MSTN: variants seen among roughly 807,000 people sequenced by gnomAD.
MSTN encodes myostatin, also known as growth/differentiation factor 8.
MSTN carries 12 observed loss-of-function variants against 32.3 expected under a neutral mutation model. The ratio of observed to expected loss-of-function variants is 0.37; its 90% confidence interval spans 0.24 to 0.60. The LOEUF is 0.60. Among genes scored for constraint, MSTN ranks in the 20% least tolerant of loss-of-function variants. The pLI is 0.67. For synonymous variants in MSTN, 168 were observed against 155.1 expected, an observed-to-expected ratio of 1.08 and a Z score of -0.62; for missense variants, 403 against 450.3, an observed-to-expected ratio of 0.89 and a Z score of 0.95.
chr2:190,061,813 A>C (rs2105754625), intron 1 of MSTN, among the ~76,000 whole-genome samples: 1 of 151,784 alleles, frequency 6.6e-6, no homozygotes, highest in South Asian at 2.1e-4. Flanking sequence ...ACATCCAGCA[A>C]GTTTCTTTTT....
chr2:190,057,663 A>C, intron 2 of MSTN, 25 bp from the exon 3 acceptor site: 1 of 1,611,662 alleles, frequency 6.2e-7, no homozygotes. Context: ...AAGAACAATC[A>C]GTAATATCAA....
intron 1 of MSTN, among the ~76,000 whole-genome samples, chr2:190,061,272 G>A (rs1397233655): frequency 1.3e-5 from 2 of 152,002 alleles, no homozygotes; most frequent in African/African-American, 4.8e-5. Context: ...TTGTATTAAA[G>A]CAAGATAACA....
chr2:190,056,625 A>G lies in MSTN; in HGVS notation c.*633T>C, dbSNP rs1685436205. On this transcript the variant is annotated 3_prime_UTR_variant, in exon 3 of 3. Coordinates refer to ENST00000260950, the MANE Select transcript of MSTN (RefSeq NM_005259.3). ...ATGCACCTGAAGAAAAGAGAAACTT[A>G]CTATTTTACTGAATGTTTTTTATGT... is the stretch of plus-strand genomic sequence containing the variant. 2 of 152,590 alleles carry G rather than the reference A, an allele frequency of 1.3e-5. No homozygotes were observed. The highest frequency in any genetic ancestry group is 1.3e-4 in the Admixed American group (2 of 15,268). The allele number at this position is 152,590 out of a possible 1,614,324, so 9.5% of individuals were successfully genotyped here.
Position 190,060,232 on chromosome 2 carries a change from T to C in MSTN, c.577A>G (p.Lys193Glu). ...GTRYTGIRSL[K>E]LDMNPGTGIW... is the part of the protein sequence containing the mutation. ...CCAGTGCCTGGGTTCATGTCAAGTT[T>C]CAGAGATCGGATTCCAGTATACCTT... The change falls in exon 2 of 3, where the codon AAA (lysine) becomes GAA (glutamate). Residue 193 changes from lysine to glutamate, a missense_variant. Coordinates refer to ENST00000260950, the MANE Select transcript of MSTN (RefSeq NM_005259.3). The C allele has an allele frequency of 6.2e-7, 1 of 1,613,164 alleles. No individual in the cohort carries two copies. The highest frequency in any genetic ancestry group is 8.5e-7 in the Non-Finnish European group (1 of 1,179,306).
chr2:190,062,673 A>T lies in MSTN; in HGVS notation c.-77T>A, dbSNP rs1685632725. 1.4e-6 allele frequency: 2 copies of T among 1,455,188 alleles called. No homozygotes were observed. Among genetic ancestry groups the T allele is most frequent in the Non-Finnish European group, 1.9e-6 (2 of 1,064,224 alleles). The allele number at this position is 1,455,188 out of a possible 1,614,324, so 90.1% of individuals were successfully genotyped here. A position where few individuals can be genotyped will look rare whatever the true frequency, so the allele number is the denominator to read the frequency against. ...TTTTCTTTTGCTTTTGAGTAATGCC[A>T]AGCAAAATTTTAATGCATGTACAGT... On this transcript the variant is annotated 5_prime_UTR_variant, in exon 1 of 3. Coordinates refer to ENST00000260950, the MANE Select transcript of MSTN (RefSeq NM_005259.3).
chr2:190,062,688 G>C lies in MSTN; in HGVS notation c.-92C>G, dbSNP rs1287261923. 2.4e-6 allele frequency: 3 copies of C among 1,243,188 alleles called. No homozygotes were observed. Among genetic ancestry groups the C allele is most frequent in the Non-Finnish European group, 3.4e-6 (3 of 882,888 alleles). The allele number at this position is 1,243,188 out of a possible 1,614,324, so 77.0% of individuals were successfully genotyped here. On this transcript the variant is annotated 5_prime_UTR_variant, in exon 1 of 3. Transcript: ENST00000260950. ...GAGTAATGCCAAGCAAAATTTTAAT[G>C]CATGTACAGTCTGAGAGACAACTTG...
Position 190,062,366 on chromosome 2 carries a change from T to C in MSTN, c.231A>G (p.Ile77Met). 1 of 1,613,424 alleles carries C rather than the reference T, an allele frequency of 6.2e-7. No individual in the cohort carries two copies. The highest frequency in any genetic ancestry group is 8.5e-7 in the Non-Finnish European group (1 of 1,179,574). ...ETAPNISKDV[I>M]RQLLPKAPPL... is the part of the protein sequence containing the mutation. ...GAGGAGCTTTGGGTAAAAGTTGTCTTATAACATCTTTGCTGATGTTAGGAG... is the reference window on the plus strand; with the variant it reads ...GAGGAGCTTTGGGTAAAAGTTGTCTCATAACATCTTTGCTGATGTTAGGAG... Residue 77 changes from isoleucine to methionine, a missense_variant, in exon 1 of 3, where the codon ATA (isoleucine) becomes ATG (methionine). Ile to Met is a conservative substitution (Grantham distance 10). Coordinates refer to ENST00000260950, the MANE Select transcript of MSTN (RefSeq NM_005259.3).
intron 2 of MSTN, among the ~76,000 whole-genome samples, chr2:190,059,580 CTT>C (rs1230605687): frequency 2.0e-5 from 3 of 151,858 alleles, no homozygotes; most frequent in African/African-American, 7.3e-5. Flanking sequence ...AAATATCACT[CTT>C]AATTTCTCTG....
Position 190,062,418 on chromosome 2 carries a change from A to G in MSTN, c.179T>C (p.Ile60Thr). The change falls in exon 1 of 3, where the codon ATC becomes ACC. Residue 60 changes from isoleucine (I) to threonine (T), a missense_variant. Transcript: ENST00000260950. ...TGTTTCCAGACGAAGTTTACTGAGG[A>G]TTTGTATCTTAATGGCTTCTATTCT... ...SSRIEAIKIQ[I>T]LSKLRLETAP... The G allele has an allele frequency of 6.2e-7, 1 of 1,613,466 alleles. No individual in the cohort carries two copies. The highest frequency in any genetic ancestry group is 8.5e-7 in the Non-Finnish European group (1 of 1,179,602).
chr2:190,057,880 T>G (rs1685480886), intron 2 of MSTN, among the ~76,000 whole-genome samples: 1 of 152,056 alleles, frequency 6.6e-6, no homozygotes, highest in South Asian at 2.1e-4. Flanking sequence ...TTTTAAGTTT[T>G]ATTTTTCCAA....
rs1244428201 is a variant in MSTN, at chr2:190,062,368, T to C, written c.229A>G (p.Ile77Val). The C allele has an allele frequency of 2.5e-6, 4 of 1,613,324 alleles. No homozygotes were observed. Among genetic ancestry groups the C allele is most frequent in the African/African-American group, 2.7e-5 (2 of 74,886 alleles). Reference sequence around the variant, plus strand: ...GGAGCTTTGGGTAAAAGTTGTCTTATAACATCTTTGCTGATGTTAGGAGCT... The same window carrying C: ...GGAGCTTTGGGTAAAAGTTGTCTTACAACATCTTTGCTGATGTTAGGAGCT... ...ETAPNISKDV[I>V]RQLLPKAPPL... The change falls in exon 1 of 3, where the codon ATA (isoleucine) becomes GTA (valine). Residue 77 changes from isoleucine to valine, a missense_variant. By Grantham distance (29) the Ile-to-Val change is conservative (BLOSUM62 3). Coordinates refer to ENST00000260950, the MANE Select transcript of MSTN (RefSeq NM_005259.3).
In MSTN at chr2:190,060,075, C is replaced by G; in HGVS notation, c.734G>C (p.Gly245Ala). The change falls in exon 2 of 3, where the codon GGA (glycine) becomes GCA (alanine). Residue 245 changes from glycine to alanine, a missense_variant. Physicochemically the swap from Gly to Ala is moderately conservative, Grantham distance 60. Coordinates refer to ENST00000260950, the MANE Select transcript of MSTN (RefSeq NM_005259.3). ...GTTATCACTTACCAGCCCATCTTCT[C>G]CTGGTCCTGGGAAGGTTACAGCAAG... ...HDLAVTFPGP[G>A]EDGLNPFLEV... 6.2e-7 allele frequency: 1 copy of G among 1,612,214 alleles called. No individual in the cohort carries two copies. Among genetic ancestry groups the G allele is most frequent in the Non-Finnish European group, 8.5e-7 (1 of 1,178,704 alleles).
chr2:190,059,283 T>C (rs1685528368), intron 2 of MSTN, among the ~76,000 whole-genome samples: 1 of 151,960 alleles, frequency 6.6e-6, no homozygotes, highest in Non-Finnish European at 1.5e-5. Flanking sequence ...AAATTTGTAC[T>C]AGGAATTAAA....
intron 2 of MSTN, among the ~76,000 whole-genome samples, chr2:190,058,809 A>C (rs749015313): frequency 2.0e-5 from 3 of 151,978 alleles, no homozygotes; most frequent in Non-Finnish European, 4.4e-5. Flanking sequence ...GCAAAGACAT[A>C]CAGAGTAGTA....
At position 190,056,991 on chromosome 2, in the gene MSTN, G is replaced by A. The variant is rs1685452281; in HGVS notation, c.*267C>T. 5.0e-6 allele frequency: 2 copies of A among 398,716 alleles called. No individual in the cohort carries two copies. Among genetic ancestry groups the A allele is most frequent in the Admixed American group, 8.2e-5 (2 of 24,480 alleles). The allele number at this position is 398,716 out of a possible 1,614,324, so 24.7% of individuals were successfully genotyped here. ...TCGCTTTCATTTCCTCGCCGATGTT[G>A]TAATATATAGGAACATAAATGTAAT... On this transcript the variant is annotated 3_prime_UTR_variant, in exon 3 of 3. Transcript: ENST00000260950.
At position 190,062,691 on chromosome 2, in the gene MSTN, T is replaced by C. The variant is rs1685633186; in HGVS notation, c.-95A>G. 2 of 1,218,580 alleles carry C rather than the reference T, an allele frequency of 1.6e-6. No homozygotes were observed. Among genetic ancestry groups the C allele is most frequent in the South Asian group, 1.4e-5 (1 of 72,972 alleles). The allele number at this position is 1,218,580 out of a possible 1,614,324, so 75.5% of individuals were successfully genotyped here. A position where few individuals can be genotyped will look rare whatever the true frequency, so the allele number is the denominator to read the frequency against. ...TAATGCCAAGCAAAATTTTAATGCA[T>C]GTACAGTCTGAGAGACAACTTGCCA... On this transcript the variant is annotated 5_prime_UTR_variant, in exon 1 of 3. The change abolishes an upstream ATG in the 5' untranslated region. Coordinates refer to ENST00000260950, the MANE Select transcript of MSTN (RefSeq NM_005259.3).
At position 190,057,278 on chromosome 2, in the gene MSTN, C is replaced by G. The variant is rs909405834; in HGVS notation, c.1108G>C (p.Asp370His). The change falls in exon 3 of 3, where the codon GAC becomes CAC. Residue 370 changes from aspartate to histidine, a missense_variant. Transcript: ENST00000260950. ...AAATCTCATGAGCACCCACAGCGGT[C>G]TACTACCATCGCTGGAATTTTCCCA... is the stretch of plus-strand genomic sequence containing the variant. ...IYGKIPAMVVDRCGCS is the reference protein window; with the variant it reads ...IYGKIPAMVVHRCGCS 2.5e-6 allele frequency: 4 copies of G among 1,613,278 alleles called. No homozygotes were observed. Among genetic ancestry groups the G allele is most frequent in the Admixed American group, 1.7e-5 (1 of 59,888 alleles).
Position 190,060,327 on chromosome 2 carries a change from C to G in MSTN, c.482G>C (p.Arg161Thr). Residue 161 changes from arginine (R) to threonine (T), a missense_variant, in exon 2 of 3, where the codon AGA becomes ACA. By Grantham distance (71) the Arg-to-Thr change is moderately conservative (BLOSUM62 -1). Coordinates refer to ENST00000260950, the MANE Select transcript of MSTN (RefSeq NM_005259.3). The stretch of plus-strand genomic sequence containing the variant: ...CACTGTTGTAGGAGTCTCGACGGGT[C>G]TCAAATATATCCATAGTTGGGCCTT... ...VVKAQLWIYL[R>T]PVETPTTVFV... The G allele has an allele frequency of 1.2e-6, 2 of 1,612,864 alleles. No individual in the cohort carries two copies. Among genetic ancestry groups the G allele is most frequent in the South Asian group, 1.1e-5 (1 of 91,038 alleles).
At chr2:190,059,986 A>C (rs1249294277) in intron 2 of MSTN, 76 bp downstream of exon 2, 29 of 1,464,312 alleles carry the variant, frequency 2.0e-5, no homozygotes, top group Non-Finnish European at 2.7e-5. Flanking sequence ...ATTTGTAGCT[A>C]TTTTCCACTA....
Sources: allele counts gnomAD v4.1 joint callset (sites outside exome capture counted in the v4.1 genomes callset), GRCh38; gene constraint gnomAD v4.1.1; transcripts MANE v1.5; gene names NCBI Gene and HGNC (gene_info 2026-07-23, HGNC 2026-07-21).